MAP3K1: variants seen among roughly 807,000 people sequenced by gnomAD.
MAP3K1 encodes mitogen-activated protein kinase kinase kinase 1, also known as MAP/ERK kinase kinase 1.
Under a neutral mutation model 144.2 loss-of-function variants are expected in MAP3K1, and 36 were observed. That is an observed-to-expected ratio of 0.25 (90% confidence interval 0.19 to 0.33). MAP3K1 has a LOEUF of 0.33. Ranked by LOEUF, MAP3K1 falls within the 10% of genes least tolerant of loss-of-function variation. The probability of loss-of-function intolerance (pLI) is 1.00; values close to 1 mark genes in which losing one functional copy is unlikely to be tolerated. For missense variants in MAP3K1, 1,650 were observed against 1,881.9 expected (o/e 0.88, Z 2.28); for synonymous variants, 718 against 688.7 (o/e 1.04, Z -0.67).
rs1365527314 is a variant in MAP3K1, at chr5:56,895,342, G to A, written c.*1662G>A. On this transcript the variant is annotated 3_prime_UTR_variant, in exon 20 of 20. Transcript: ENST00000399503. ...GAAGTTTGGTATCTCTAAATGTGTT[G>A]TACTTGACTTTCTTTTTTATTTTGT... The A allele has an allele frequency of 8.8e-6, 2 of 226,344 alleles. No homozygotes were observed. The highest frequency in any genetic ancestry group is 1.7e-5 in the Non-Finnish European group (2 of 115,592). 14.0% of individuals were successfully genotyped at this position (226,344 alleles called of 1,614,324 possible).
Position 56,872,890 on chromosome 5 carries a change from A to G in MAP3K1, c.1571A>G (p.Gln524Arg). The stretch of plus-strand genomic sequence containing the variant: ...AGAGCTGCACAGCAGCAAACCGTAC[A>G]GCAGCAGCCTTTGGCTGGATCACGA... ...SLRAAQQQTVQQQPLAGSRRN... is the reference protein window; with the variant it reads ...SLRAAQQQTVRQQPLAGSRRN... Residue 524 changes from glutamine (Q) to arginine (R), a missense_variant, in exon 9 of 20, where the codon CAG (glutamine) becomes CGG (arginine). Around this residue, in one of 6 missense-constraint regions of MAP3K1, gnomAD observed 841 missense variants for 886.5 expected, o/e 0.95. Coordinates refer to ENST00000399503, the MANE Select transcript of MAP3K1 (RefSeq NM_005921.2). 6.2e-7 allele frequency: 1 copy of G among 1,614,156 alleles called. No individual in the cohort carries two copies. Among genetic ancestry groups the G allele is most frequent in the South Asian group, 1.1e-5 (1 of 91,084 alleles).
chr5:56,831,017 T>G (rs1436270520), intron 1 of MAP3K1, among the ~76,000 whole-genome samples: 1 of 152,078 alleles, frequency 6.6e-6, no homozygotes, highest in Non-Finnish European at 1.5e-5. Flanking sequence ...AGGAATATAA[T>G]ATATTTAAAA....
At chr5:56,871,883 A>G in intron 6 of MAP3K1, 27 bp from the exon 7 acceptor site, 3 of 1,610,122 alleles carry the variant, frequency 1.9e-6, no homozygotes, top group Non-Finnish European at 2.5e-6. Context: ...TTTTATGCTT[A>G]ATACTTTTTC....
rs1161692818 is a variant in MAP3K1 at position 56,815,648 on chromosome 5, C to T, written c.75C>T (p.Gly25=). The change falls in exon 1 of 20, where the codon GGC becomes GGT. Residue 25 remains glycine (G), a synonymous_variant. Coordinates refer to ENST00000399503, the MANE Select transcript of MAP3K1 (RefSeq NM_005921.2). The part of the protein sequence containing the change: ...PGARATSPEA[G]GGGGALKASS... The stretch of plus-strand genomic sequence containing the variant: ...CCAGGGCTACGAGCCCTGAGGCAGG[C>T]GGCGGCGGAGGAGCCCTCAAGGCGA... 2.2e-6 allele frequency: 3 copies of T among 1,334,548 alleles called. No homozygotes were observed. The highest frequency in any genetic ancestry group is 3.1e-5 in the East Asian group (1 of 32,030). 82.7% of individuals were successfully genotyped at this position (1,334,548 alleles called of 1,614,324 possible). A position where few individuals can be genotyped will look rare whatever the true frequency, so the allele number is the denominator to read the frequency against.
intron 2 of MAP3K1, among the ~76,000 whole-genome samples, chr5:56,858,832 C>T (rs993131329): frequency 2.6e-5 from 4 of 151,982 alleles, no homozygotes; most frequent in African/African-American, 9.7e-5. Context: ...AAATTTTCCT[C>T]ATGTGAAGGT....
intron 1 of MAP3K1, among the ~76,000 whole-genome samples, chr5:56,817,332 C>T (rs1722744032): frequency 6.6e-6 from 1 of 152,134 alleles, no homozygotes; most frequent in Admixed American, 6.5e-5. Flanking sequence ...AATTCCCTGA[C>T]CTTTATTATG....
At chr5:56,834,601 C>T (rs1465260811) in intron 1 of MAP3K1, among the ~76,000 whole-genome samples, 2 of 152,082 alleles carry the variant, frequency 1.3e-5, no homozygotes, top group African/African-American at 2.4e-5. Context: ...CCCAGCTACT[C>T]GGGAAGCTGA....
At chr5:56,881,329 C>T (rs1212269375) in intron 13 of MAP3K1, 57 bp downstream of exon 13, 8 of 1,414,376 alleles carry the variant, frequency 5.7e-6, no homozygotes, top group Non-Finnish European at 7.9e-6. Context: ...CTACACCCTC[C>T]TCAAGAATGA....
intron 6 of MAP3K1, among the ~76,000 whole-genome samples, chr5:56,868,509 C>T (rs1281683086): frequency 5.3e-5 from 8 of 152,090 alleles, no homozygotes; most frequent in South Asian, 4.1e-4. Flanking sequence ...CTCAGCCTCC[C>T]GAGTAGCTGG....
In MAP3K1 at chr5:56,847,031, C is replaced by G. The variant is rs146816948; in HGVS notation, c.483-9569C>G. On this transcript the variant is annotated intron_variant, in intron 1 of 19. Coordinates refer to ENST00000399503, the MANE Select transcript of MAP3K1 (RefSeq NM_005921.2). The stretch of plus-strand genomic sequence containing the variant: ...AGACATGAGTGTGCCAAAGAAACAC[C>G]ATAACCAAGCTTTTACACTACTGCC... 1.1e-4 allele frequency among the ~76,000 whole-genome samples: 16 copies of G among 152,284 alleles called. No homozygotes were observed. The East Asian group carries it at 3.1e-3, about 29-fold the overall frequency.
chr5:56,838,207 A>G (rs1229087692), intron 1 of MAP3K1, among the ~76,000 whole-genome samples: 1 of 147,978 alleles, frequency 6.8e-6, no homozygotes, highest in Non-Finnish European at 1.5e-5. Flanking sequence ...TGCCTATGAA[A>G]AAGAGCTGTC....
intron 1 of MAP3K1, among the ~76,000 whole-genome samples, chr5:56,827,277 C>CTT (rs1415626926): frequency 1.3e-5 from 2 of 152,182 alleles, no homozygotes; most frequent in Non-Finnish European, 2.9e-5. Flanking sequence ...ATCCTTGAAT[C>CTT]TCAGCGCTTA....
Position 56,882,493 on chromosome 5 carries a change from G to A in MAP3K1, c.3293G>A (p.Ser1098Asn), listed in dbSNP as rs1299383134. Residue 1098 changes from serine to asparagine, a missense_variant, in exon 14 of 20, where the codon AGC becomes AAC. By Grantham distance (46) the Ser-to-Asn change is conservative. Transcript: ENST00000399503. ...SSKCDDSFGC[S>N]SNSSNAVIPS... ...AAATGTGATGACAGCTTTGGCTGTA[G>A]CAGCAATAGTAGTAATGCTGTTATA... The A allele has an allele frequency of 6.2e-7, 1 of 1,613,848 alleles. No homozygotes were observed. The highest frequency in any genetic ancestry group is 8.5e-7 in the Non-Finnish European group (1 of 1,179,850).
intron 19 of MAP3K1, 138 bp from the exon 20 acceptor site, chr5:56,893,393 G>A: frequency 3.4e-6 from 3 of 877,172 alleles, no homozygotes; most frequent in Non-Finnish European, 5.5e-6. Context: ...CTTTTTGATA[G>A]CAGAAAATCC....
At chr5:56,832,017 A>G (rs1305458018) in intron 1 of MAP3K1, among the ~76,000 whole-genome samples, 1 of 152,154 alleles carries the variant, frequency 6.6e-6, no homozygotes, top group Non-Finnish European at 1.5e-5. Context: ...AAGTGTTAGC[A>G]CTGGCTCAGG....
chr5:56,884,446 A>G (rs979700519), intron 15 of MAP3K1, among the ~76,000 whole-genome samples: 11 of 152,272 alleles, frequency 7.2e-5, no homozygotes, highest in African/African-American at 1.7e-4. Flanking sequence ...AATATTGACT[A>G]TATCCCAATA....
chr5:56,878,652 A>G (rs978328564), intron 10 of MAP3K1, among the ~76,000 whole-genome samples: 2 of 152,110 alleles, frequency 1.3e-5, no homozygotes, highest in African/African-American at 4.8e-5. Context: ...TGCTCTAATT[A>G]TTCCAGCCTT....
At chr5:56,844,182 G>GTTT (rs1561174026) in intron 1 of MAP3K1, among the ~76,000 whole-genome samples, 40 of 108,366 alleles carry the variant, frequency 3.7e-4, no homozygotes, top group Non-Finnish European at 5.5e-4. Flanking sequence ...TGTTTTTTTT[G>GTTT]GTTTTTTTTT....
intron 1 of MAP3K1, chr5:56,852,197 AGAAG>A (rs1266743835): frequency 6.6e-6 from 1 of 152,190 alleles, no homozygotes; most frequent in Non-Finnish European, 1.5e-5. Context: ...GGCTCCAGGA[AGAAG>A]GTCTAATTTA....
Sources: gnomAD v4.1 joint callset for allele counts (sites outside exome capture counted in the v4.1 genomes callset) on GRCh38, gnomAD v4.1.1 for gene constraint, gnomAD v4.1.1 regional missense constraint, MANE v1.5 for transcripts, NCBI Gene and HGNC (gene_info 2026-07-23, HGNC 2026-07-21) for gene names.